Variants in CELA2A observed in about 807,000 individuals in gnomAD.
The protein encoded by CELA2A is chymotrypsin like elastase 2A, also known as chymotrypsin-like elastase family member 2A.
In CELA2A, 31 loss-of-function variants were observed where a neutral mutation model predicts 35.3. The observed-to-expected ratio is 0.88, with a 90% CI of 0.66 to 1.19. CELA2A has a LOEUF of 1.19. CELA2A is among the 50% of genes most tolerant of loss of function. CELA2A has a pLI of 0.00. For missense variants in CELA2A, 330 were observed against 352.9 expected, an observed-to-expected ratio of 0.94 and a Z score of 0.52; for synonymous variants, 150 against 149.8, an observed-to-expected ratio of 1.00 and a Z score of -0.01.
In CELA2A at chr1:15,457,150, G is replaced by A. The variant is rs12411040; in HGVS notation, c.105G>A (p.Ala35=). 0.01 allele frequency: 16,709 copies of A among 1,614,068 alleles called. 329 individuals carry two copies. The highest frequency in any genetic ancestry group is 0.084 in the Admixed American group (5,035 of 59,990). The change falls in exon 2 of 8, where the codon GCG becomes GCA. Residue 35 remains alanine (A), a synonymous_variant. Transcript: ENST00000359621. ...CTAGGGTGGTTGGCGGTGAAGAAGC[G>A]AGGCCCAACAGCTGGCCCTGGCAGG... ...YVTRVVGGEE[A]RPNSWPWQVS...
chr1:15,466,825 G>A (rs1443283157), intron 6 of CELA2A, among the ~76,000 whole-genome samples: 1 of 152,164 alleles, frequency 6.6e-6, no homozygotes, highest in Non-Finnish European at 1.5e-5. Flanking sequence ...GTCCCCTCCA[G>A]GTAGCTGCCA....
chr1:15,466,305 G>A (rs60125415), intron 6 of CELA2A, among the ~76,000 whole-genome samples, 161 bp downstream of exon 6: 32,776 of 152,012 alleles, frequency 0.22, 3,850 homozygotes, highest in African/African-American at 0.28. Flanking sequence ...GCTCACACCT[G>A]TAATCCCAGC....
chr1:15,470,548 A>G (rs1478066460), intron 7 of CELA2A, among the ~76,000 whole-genome samples: 2 of 152,124 alleles, frequency 1.3e-5, no homozygotes, highest in Non-Finnish European at 2.9e-5. Context: ...CTCATTTTAC[A>G]TCTCCAATTC....
At chr1:15,469,239 T>G (rs150240919) in intron 7 of CELA2A, among the ~76,000 whole-genome samples, 230 of 152,198 alleles carry the variant, frequency 1.5e-3, no homozygotes, top group African/African-American at 5.3e-3. Flanking sequence ...GGAGCCACCA[T>G]GCCTCGTACT....
At chr1:15,457,469 G>A (rs540231192) in intron 2 of CELA2A, 1 of 322,380 alleles carries the variant, frequency 3.1e-6, no homozygotes, top group Admixed American at 4.4e-5. Flanking sequence ...AAGTAGCCAG[G>A]TGTGGTGGCA....
In CELA2A at chr1:15,463,298, G is replaced by A. The variant is rs548118819; in HGVS notation, c.357-88G>A. ...GCAACCTGGGGTAACAGGGTACAGGGAAGATGACAAGGTCTCCAAGCCCTC... is the reference window on the plus strand; with the variant it reads ...GCAACCTGGGGTAACAGGGTACAGGAAAGATGACAAGGTCTCCAAGCCCTC... On this transcript the variant is annotated intron_variant, in intron 4 of 7. Transcript: ENST00000359621. 6.7e-5 allele frequency: 106 copies of A among 1,590,554 alleles called. 1 individual carries two copies. In the Middle Eastern group the frequency reaches 9.2e-4, roughly 14 times the overall value.
chr1:15,461,045 G>A (rs1708426755), intron 2 of CELA2A, among the ~76,000 whole-genome samples: 1 of 152,178 alleles, frequency 6.6e-6, no homozygotes. Context: ...GTAGCAGGGA[G>A]AAGTGCCGAG....
chr1:15,460,869 A>G (rs1452894221), intron 2 of CELA2A, among the ~76,000 whole-genome samples: 2 of 7,892 alleles, frequency 2.5e-4, no homozygotes, highest in African/African-American at 3.5e-4. Context: ...TGTAGAGACA[A>G]TGTATTTAGT....
At chr1:15,459,471 T>A (rs1378856064) in intron 2 of CELA2A, among the ~76,000 whole-genome samples, 1 of 152,102 alleles carries the variant, frequency 6.6e-6, no homozygotes, top group African/African-American at 2.4e-5. Context: ...GCCTCACAAT[T>A]TATATACTTG....
intron 7 of CELA2A, 47 bp downstream of exon 7, chr1:15,467,585 C>G: frequency 6.2e-7 from 1 of 1,600,168 alleles, no homozygotes; most frequent in South Asian, 1.1e-5. Flanking sequence ...CCCTGCTCAC[C>G]TGGCCTCGGG....
rs1449000431 is a variant in CELA2A, at chr1:15,465,831, G to A, written c.494-168G>A. 4 of 749,392 alleles carry A rather than the reference G, an allele frequency of 5.3e-6. No individual in the cohort carries two copies. In the African/African-American group the frequency reaches 7.0e-5, roughly 13 times the overall value. The allele number at this position is 749,392 out of a possible 1,614,324, so 46.4% of individuals were successfully genotyped here. The stretch of plus-strand genomic sequence containing the variant: ...CTCATTGGCTTAGCTTGAGTCAGGT[G>A]TTCACTGCTGAACCAATCAACCGTG... On this transcript the variant is annotated intron_variant, in intron 5 of 7. Coordinates refer to ENST00000359621, the MANE Select transcript of CELA2A (RefSeq NM_033440.3).
At chr1:15,461,517 T>C in intron 2 of CELA2A, 44 bp from the exon 3 acceptor site, 2 of 1,607,444 alleles carry the variant, frequency 1.2e-6, no homozygotes, top group Non-Finnish European at 8.5e-7. Flanking sequence ...AGGGAGGCCC[T>C]GCTCTTTCAA....
chr1:15,460,598 G>A (rs1708420475), intron 2 of CELA2A, among the ~76,000 whole-genome samples: 1 of 151,746 alleles, frequency 6.6e-6, no homozygotes, highest in Non-Finnish European at 1.5e-5. Flanking sequence ...GGAAGGGCAT[G>A]GAACAGCTTC....
chr1:15,465,193 T>G (rs900462768), intron 5 of CELA2A, among the ~76,000 whole-genome samples: 4 of 151,884 alleles, frequency 2.6e-5, no homozygotes, highest in African/African-American at 9.7e-5. Flanking sequence ...TGTATTTTAG[T>G]AGAGGTGGGG....
At chr1:15,466,265 T>C (rs1708516842) in intron 6 of CELA2A, 121 bp downstream of exon 6, 5 of 1,244,506 alleles carry the variant, frequency 4.0e-6, no homozygotes, top group Non-Finnish European at 4.5e-6. Flanking sequence ...CCGAAACATG[T>C]TCCAGATATA....
intron 4 of CELA2A, 128 bp from the exon 5 acceptor site, chr1:15,463,258 G>T: frequency 7.0e-7 from 1 of 1,430,914 alleles, no homozygotes; most frequent in Non-Finnish European, 9.5e-7. Flanking sequence ...ATGCCCTGGG[G>T]CCCTGCCAGT....
intron 2 of CELA2A, among the ~76,000 whole-genome samples, chr1:15,457,828 G>A (rs1199252306): frequency 1.3e-5 from 2 of 152,138 alleles, no homozygotes; most frequent in Admixed American, 1.3e-4. Flanking sequence ...TTGCTTTAAG[G>A]AACCAATCAG....
chr1:15,461,076 T>C (rs1371575117), intron 2 of CELA2A, among the ~76,000 whole-genome samples: 1 of 152,156 alleles, frequency 6.6e-6, no homozygotes, highest in East Asian at 1.9e-4. Flanking sequence ...GGAAAGACCC[T>C]TATAAAACCA....
At chr1:15,467,353 C>A (rs369548950) in intron 6 of CELA2A, 33 bp from the exon 7 acceptor site, 4 of 1,607,688 alleles carry the variant, frequency 2.5e-6, no homozygotes, top group Non-Finnish European at 2.5e-6. Context: ...CCTTCCTCTC[C>A]CTTTACCTGC....
Sources: allele counts gnomAD v4.1 joint callset (sites outside exome capture counted in the v4.1 genomes callset), GRCh38; gene constraint gnomAD v4.1.1; transcripts MANE v1.5; gene names NCBI Gene and HGNC (gene_info 2026-07-23, HGNC 2026-07-21).